Variants in ADGRL3 observed in about 807,000 individuals in gnomAD.
ADGRL3 encodes calcium-independent alpha-latrotoxin receptor 3.
Under a neutral mutation model 153.5 loss-of-function variants are expected in ADGRL3, and 62 were observed. The observed-to-expected ratio is 0.40, with a 90% CI of 0.33 to 0.50. ADGRL3 has a LOEUF of 0.50. Ranked by LOEUF, ADGRL3 falls within the 20% of genes least tolerant of loss-of-function variation. The pLI is 0.47. For synonymous variants in ADGRL3, 710 were observed against 672.5 expected (o/e 1.06, Z -0.86); for missense variants, 1,641 against 1,859.4 (o/e 0.88, Z 2.16).
chr4:61,565,489 A>T lies in ADGRL3; in HGVS notation c.260-21738A>T, dbSNP rs547848193. Reference sequence around the variant, plus strand: ...AGAAGACAAACTCAGTGGGACTTGGATATATCAGCTTATGCATGGGATCTC... The same window carrying T: ...AGAAGACAAACTCAGTGGGACTTGGTTATATCAGCTTATGCATGGGATCTC... On this transcript the variant is annotated intron_variant, in intron 4 of 26. Coordinates refer to ENST00000683033, the MANE Select transcript of ADGRL3 (RefSeq NM_001387552.1). Among the ~76,000 whole-genome samples, 11 of 152,144 alleles carry T rather than the reference A, an allele frequency of 7.2e-5. No individual in the cohort carries two copies. The South Asian group carries it at 2.3e-3, about 32-fold the overall frequency.
At chr4:61,707,294 A>C (rs962738732) in intron 6 of ADGRL3, among the ~76,000 whole-genome samples, 1 of 152,222 alleles carries the variant, frequency 6.6e-6, no homozygotes, top group African/African-American at 2.4e-5. Context: ...ACACAGAGAC[A>C]CCAAGTAAGC....
intron 1 of ADGRL3, among the ~76,000 whole-genome samples, chr4:61,229,422 A>T (rs1385070246): frequency 6.6e-6 from 1 of 152,230 alleles, no homozygotes; most frequent in East Asian, 1.9e-4. Context: ...GCTTTATTGT[A>T]TGTTTTGAGA....
chr4:61,866,231 C>T (rs1188119477), intron 9 of ADGRL3, among the ~76,000 whole-genome samples: 3 of 152,132 alleles, frequency 2.0e-5, no homozygotes, highest in East Asian at 1.9e-4. Context: ...TCAGACTCTA[C>T]GGCAAACGTA....
In ADGRL3 at chr4:61,983,506, C is replaced by T. The variant is rs1471347310; in HGVS notation, c.3139C>T (p.Arg1047Cys). ...LVEVFESEHS[R>C]RKYFYLVGYG... ...GGAGGTTTTTGAGAGTGAACATTCA[C>T]GTAGGAAATACTTTTATCTGGTCGG... The change falls in exon 19 of 27, where the codon CGT becomes TGT. Residue 1047 changes from arginine to cysteine, a missense_variant. Physicochemically the swap from Arg to Cys is radical, Grantham distance 180 (BLOSUM62 -3). Transcript: ENST00000683033. 4 of 1,613,768 alleles carry T rather than the reference C, an allele frequency of 2.5e-6. No individual in the cohort carries two copies. Among genetic ancestry groups the T allele is most frequent in the Non-Finnish European group, 3.4e-6 (4 of 1,179,870 alleles).
rs139635015 is a variant in ADGRL3, at chr4:61,985,854, T to C, written c.3236+2251T>C. Among the ~76,000 whole-genome samples, 370 of 151,568 alleles carry C rather than the reference T, an allele frequency of 2.4e-3. 5 individuals are homozygous for C. Among genetic ancestry groups the C allele is most frequent in the African/African-American group, 8.7e-3 (359 of 41,354 alleles). Reference sequence around the variant, plus strand: ...CTCAACTTTGTGAATTGTAATCAAGTCTGTGATTTTTCTGTTGATTCCAGT... The same window carrying C: ...CTCAACTTTGTGAATTGTAATCAAGCCTGTGATTTTTCTGTTGATTCCAGT... On this transcript the variant is annotated intron_variant, in intron 19 of 26. Coordinates refer to ENST00000683033, the MANE Select transcript of ADGRL3 (RefSeq NM_001387552.1).
intron 8 of ADGRL3, among the ~76,000 whole-genome samples, chr4:61,774,824 T>G (rs969096136): frequency 6.6e-6 from 1 of 152,224 alleles, no homozygotes; most frequent in African/African-American, 2.4e-5. Flanking sequence ...GGGAAAAACC[T>G]GGTATGTGTA....
At chr4:61,948,349 T>C (rs2098933858) in intron 17 of ADGRL3, 73 bp downstream of exon 17, 6 of 1,097,192 alleles carry the variant, frequency 5.5e-6, no homozygotes, top group Non-Finnish European at 7.8e-6. Flanking sequence ...GTCCTAACTA[T>C]ATGGGCTATC....
intron 5 of ADGRL3, among the ~76,000 whole-genome samples, chr4:61,622,996 C>CA (rs1367047941): frequency 1.3e-5 from 2 of 151,912 alleles, no homozygotes; most frequent in African/African-American, 2.4e-5. Context: ...AAACAACGTT[C>CA]AAAAAATTAA....
chr4:61,503,608 A>G (rs1448436329), intron 3 of ADGRL3, among the ~76,000 whole-genome samples: 1 of 152,136 alleles, frequency 6.6e-6, no homozygotes, highest in African/African-American at 2.4e-5. Flanking sequence ...TTTTGAAAAG[A>G]CGGTAAGATA....
At chr4:61,314,587 C>T (rs1236588871) in intron 1 of ADGRL3, among the ~76,000 whole-genome samples, 1 of 152,206 alleles carries the variant, frequency 6.6e-6, no homozygotes, top group Admixed American at 6.5e-5. Context: ...GAGGTAAAGT[C>T]TTCATCATCT....
chr4:61,507,632 G>A (rs1026974692), intron 3 of ADGRL3, among the ~76,000 whole-genome samples: 3 of 152,196 alleles, frequency 2.0e-5, no homozygotes, highest in African/African-American at 4.8e-5. Flanking sequence ...AGGTTGTGGG[G>A]GGGGACTTTA....
intron 1 of ADGRL3, among the ~76,000 whole-genome samples, chr4:61,350,325 A>T (rs1478969657): frequency 1.3e-5 from 2 of 150,720 alleles, no homozygotes; most frequent in Non-Finnish European, 2.9e-5. Flanking sequence ...TATGCCTCCC[A>T]AAAACATTCT....
intron 2 of ADGRL3, among the ~76,000 whole-genome samples, chr4:61,496,522 G>C (rs999267353): frequency 7.9e-5 from 12 of 151,988 alleles, no homozygotes; most frequent in Non-Finnish European, 1.8e-4. Context: ...AATTAGCTGG[G>C]GTGAAGCTAC....
At position 61,277,447 on chromosome 4, in the gene ADGRL3, A is replaced by G. The variant is rs938325036; in HGVS notation, c.-240+75682A>G. Among the ~76,000 whole-genome samples, 3 of 152,160 alleles carry G rather than the reference A, an allele frequency of 2.0e-5. No homozygotes were observed. In the East Asian group the frequency reaches 5.8e-4, roughly 29 times the overall value. On this transcript the variant is annotated intron_variant, in intron 1 of 26. Coordinates refer to ENST00000683033, the MANE Select transcript of ADGRL3 (RefSeq NM_001387552.1). ...TCTCCCCTTCTCATTAAACCTATTT[A>G]TTTTATTTAATTTATTTATGTCATA...
At position 61,802,570 on chromosome 4, in the gene ADGRL3, C is replaced by T. The variant is rs79704532; in HGVS notation, c.1400-11239C>T. Among the ~76,000 whole-genome samples the T allele has an allele frequency of 1.3e-3, 203 of 152,152 alleles. 4 individuals are homozygous for T. In the East Asian group the frequency reaches 0.034, roughly 25 times the overall value. On this transcript the variant is annotated intron_variant, in intron 8 of 26. Transcript: ENST00000683033. ...CCTTCTCTCCATGAGCACTGCTCATCGGTCATCAGGGAACAATCTGATTGT... is the reference window on the plus strand; with the variant it reads ...CCTTCTCTCCATGAGCACTGCTCATTGGTCATCAGGGAACAATCTGATTGT...
Position 61,998,250 on chromosome 4 carries a change from G to A in ADGRL3, c.3380G>A (p.Cys1127Tyr), listed in dbSNP as rs1021098497. 5 of 1,564,476 alleles carry A rather than the reference G, an allele frequency of 3.2e-6. No individual in the cohort carries two copies. In the Admixed American group the frequency reaches 5.7e-5, roughly 18 times the overall value. The change falls in exon 21 of 27, where the codon TGT (cysteine) becomes TAT (tyrosine). Residue 1127 changes from cysteine (C) to tyrosine (Y), a missense_variant. Coordinates refer to ENST00000683033, the MANE Select transcript of ADGRL3 (RefSeq NM_001387552.1). ...HTAILKPESGCLDNINYEDNR... is the reference protein window; with the variant it reads ...HTAILKPESGYLDNINYEDNR... Reference sequence around the variant, plus strand: ...GCTATACTGAAACCTGAATCAGGCTGTCTTGATAACATCAAGTAAGTGATT... The same window carrying A: ...GCTATACTGAAACCTGAATCAGGCTATCTTGATAACATCAAGTAAGTGATT...
intron 9 of ADGRL3, among the ~76,000 whole-genome samples, chr4:61,847,631 A>AT (rs1253275316): frequency 7.0e-4 from 23 of 32,988 alleles, no homozygotes; most frequent in Non-Finnish European, 1.1e-3. Flanking sequence ...AATATAAAAT[A>AT]TATTATATAT....
At position 61,957,549 on chromosome 4, in the gene ADGRL3, G is replaced by GTATTTATTTATT. The variant is rs58620707; in HGVS notation, c.2805+9299_2805+9310dup. ...TTTTTTCTCTCTTGGTTACATTTAT[G>GTATTTATTTATT]TATTTATTTATTTATTTATTTATTT... On this transcript the variant is annotated intron_variant, in intron 17 of 26. Coordinates refer to ENST00000683033, the MANE Select transcript of ADGRL3 (RefSeq NM_001387552.1). Among the ~76,000 whole-genome samples the GTATTTATTTATT allele has an allele frequency of 9.9e-3, 1,428 of 144,430 alleles. 17 individuals carry two copies. The highest frequency in any genetic ancestry group is 0.02 in the South Asian group (90 of 4,552). The allele number at this position is 144,430 out of a possible 152,430, so 94.8% of individuals were successfully genotyped here. A position where few individuals can be genotyped will look rare whatever the true frequency, so the allele number is the denominator to read the frequency against.
At chr4:61,554,487 C>T (rs1271091503) in intron 4 of ADGRL3, among the ~76,000 whole-genome samples, 5 of 152,048 alleles carry the variant, frequency 3.3e-5, no homozygotes, top group South Asian at 2.1e-4. Context: ...TGAGCCACTG[C>T]GCCCGGCCTA....
Sources: allele counts gnomAD v4.1 joint callset (sites outside exome capture counted in the v4.1 genomes callset), GRCh38; gene constraint gnomAD v4.1.1; transcripts MANE v1.5; gene names NCBI Gene and HGNC (gene_info 2026-07-23, HGNC 2026-07-21).